PAM: variants seen among roughly 807,000 people sequenced by gnomAD.
PAM encodes peptidylglycine alpha-amidating monooxygenase, also known as peptidyl-glycine alpha-amidating monooxygenase.
PAM carries 72 observed loss-of-function variants against 122.1 expected under a neutral mutation model. The ratio of observed to expected loss-of-function variants is 0.59; its 90% CI spans 0.49 to 0.72. The LOEUF (loss-of-function observed/expected upper bound fraction) is 0.72, where lower values mean the gene tolerates loss of function less well. PAM is among the 30% of genes least tolerant of loss of function. The pLI, the probability that PAM is intolerant of heterozygous loss-of-function variation, is 0.00. For missense variants in PAM, 1,106 were observed against 1,183.7 expected, an observed-to-expected ratio of 0.93 and a Z score of 0.96; for synonymous variants, 389 against 404.4, an observed-to-expected ratio of 0.96 and a Z score of 0.46.
intron 16 of PAM, among the ~76,000 whole-genome samples, chr5:102,994,767 A>G (rs1035460794): frequency 1.3e-5 from 2 of 152,118 alleles, no homozygotes; most frequent in Non-Finnish European, 2.9e-5. Context: ...TACATTTAGC[A>G]TTGTTTCAAT....
intron 1 of PAM, among the ~76,000 whole-genome samples, chr5:102,845,974 T>TA (rs896999166): frequency 6.7e-4 from 102 of 152,318 alleles, no homozygotes; most frequent in African/African-American, 2.4e-3. Flanking sequence ...AACAGGCCCT[T>TA]AGGCTGTAGT....
chr5:102,933,009 G>T (rs761805200), intron 7 of PAM, among the ~76,000 whole-genome samples: 2 of 152,162 alleles, frequency 1.3e-5, no homozygotes, highest in African/African-American at 2.4e-5. Context: ...GAAAAGATGA[G>T]TAAGAACAAA....
intron 1 of PAM, among the ~76,000 whole-genome samples, chr5:102,798,477 T>G (rs545900210): frequency 6.6e-6 from 1 of 152,340 alleles, no homozygotes; most frequent in South Asian, 2.1e-4. Context: ...TAAACTTGTA[T>G]AGTAGATGTC....
chr5:103,006,235 G>T (rs1778929177), intron 18 of PAM, among the ~76,000 whole-genome samples: 1 of 151,968 alleles, frequency 6.6e-6, no homozygotes. Context: ...TCGTGTCTGG[G>T]CCTAAGTCTT....
intron 1 of PAM, among the ~76,000 whole-genome samples, chr5:102,758,053 A>C (rs1441203541): frequency 7.0e-6 from 1 of 142,198 alleles, no homozygotes; most frequent in Non-Finnish European, 1.5e-5. Context: ...AAAAAAAAAA[A>C]AAAAAAGACT....
intron 11 of PAM, among the ~76,000 whole-genome samples, chr5:102,950,264 A>G (rs537136478): frequency 6.6e-6 from 1 of 152,172 alleles, no homozygotes; most frequent in South Asian, 2.1e-4. Flanking sequence ...TCTGATTTTT[A>G]TGGGATGCAT....
At chr5:102,801,835 G>A (rs1764807993) in intron 1 of PAM, among the ~76,000 whole-genome samples, 1 of 137,772 alleles carries the variant, frequency 7.3e-6, no homozygotes, top group Non-Finnish European at 1.5e-5. Context: ...CTGGAGTGCA[G>A]TGGCGCGATC....
At chr5:102,786,672 C>T (rs1191923600) in intron 1 of PAM, among the ~76,000 whole-genome samples, 2 of 152,112 alleles carry the variant, frequency 1.3e-5, no homozygotes, top group Non-Finnish European at 2.9e-5. Context: ...CCAAGTTAGA[C>T]ACATGCCATT....
intron 5 of PAM, among the ~76,000 whole-genome samples, chr5:102,914,351 A>G (rs900176100): frequency 5.3e-5 from 8 of 152,074 alleles, no homozygotes; most frequent in African/African-American, 1.4e-4. Flanking sequence ...TATGTTAACT[A>G]TTTGAGTGAT....
intron 1 of PAM, among the ~76,000 whole-genome samples, chr5:102,762,584 A>G (rs1706789210): frequency 6.6e-6 from 1 of 152,184 alleles, no homozygotes; most frequent in African/African-American, 2.4e-5. Flanking sequence ...AAATAAGGAA[A>G]TAAAAGTAAG....
chr5:102,882,642 G>A (rs7728054), intron 3 of PAM, among the ~76,000 whole-genome samples: 2,956 of 152,176 alleles, frequency 0.019, 85 homozygotes, highest in African/African-American at 0.068. Flanking sequence ...TGTATAGATT[G>A]TGAAGATTTT....
chr5:102,968,012 A>G (rs62362520), intron 14 of PAM, among the ~76,000 whole-genome samples: 46,006 of 151,930 alleles, frequency 0.3, 7,105 homozygotes, highest in East Asian at 0.43. Flanking sequence ...CATGAGCCAC[A>G]GTGCCCAGCC....
chr5:102,985,476 G>A (rs1360367605), intron 15 of PAM, among the ~76,000 whole-genome samples: 2 of 151,970 alleles, frequency 1.3e-5, no homozygotes, highest in Admixed American at 6.6e-5. Flanking sequence ...ACAATTGTAT[G>A]CTAATAAATT....
At chr5:102,765,298 T>A (rs1753561906) in intron 1 of PAM, among the ~76,000 whole-genome samples, 1 of 152,266 alleles carries the variant, frequency 6.6e-6, no homozygotes, top group South Asian at 2.1e-4. Context: ...TTCAGGTTTC[T>A]TGTCAATAAG....
At chr5:102,882,082 T>TACACAC (rs1189839169) in intron 3 of PAM, among the ~76,000 whole-genome samples, 13 of 60,282 alleles carry the variant, frequency 2.2e-4, no homozygotes, top group African/African-American at 8.3e-4. Flanking sequence ...TATATATATA[T>TACACAC]ATATATATAT....
intron 1 of PAM, among the ~76,000 whole-genome samples, chr5:102,787,274 C>T (rs964904262): frequency 2.0e-5 from 3 of 151,966 alleles, no homozygotes; most frequent in African/African-American, 7.2e-5. Context: ...CCGCCAGACC[C>T]ACACAGCTCT....
intron 16 of PAM, among the ~76,000 whole-genome samples, chr5:103,000,105 C>A (rs1230143067): frequency 2.6e-5 from 4 of 152,178 alleles, no homozygotes; most frequent in African/African-American, 4.8e-5. Context: ...CAAACCATAT[C>A]TTTGTGAATT....
intron 4 of PAM, among the ~76,000 whole-genome samples, chr5:102,913,576 A>G (rs943083113): frequency 6.6e-6 from 1 of 151,950 alleles, no homozygotes; most frequent in Non-Finnish European, 1.5e-5. Flanking sequence ...GTGTTTTATG[A>G]TACTCAGCAC....
intron 23 of PAM, among the ~76,000 whole-genome samples, chr5:103,020,927 A>C (rs1319401984): frequency 6.6e-6 from 1 of 152,174 alleles, no homozygotes; most frequent in Non-Finnish European, 1.5e-5. Flanking sequence ...CATTCATATC[A>C]CACTCATATA....
Sources: allele counts gnomAD v4.1 joint callset (sites outside exome capture counted in the v4.1 genomes callset), GRCh38; gene constraint gnomAD v4.1.1; transcripts MANE v1.5; gene names NCBI Gene and HGNC (gene_info 2026-07-23, HGNC 2026-07-21).